GPR158: variants seen among roughly 807,000 people sequenced by gnomAD.
GPR158 encodes the protein G protein-coupled receptor 158.
In GPR158, 30 loss-of-function variants were observed where a neutral mutation model predicts 78.2. The observed-to-expected ratio is 0.38, with a 90% CI of 0.29 to 0.52. The LOEUF (loss-of-function observed/expected upper bound fraction) is 0.52. Among genes scored for constraint, GPR158 ranks in the 20% least tolerant of loss-of-function variants. GPR158 has a pLI of 0.83. For synonymous variants in GPR158, 581 were observed against 591.1 expected (o/e 0.98, Z 0.25); for missense variants, 1,463 against 1,523.5 (o/e 0.96, Z 0.66).
At chr10:25,564,159 A>G (rs529438305) in intron 6 of GPR158, among the ~76,000 whole-genome samples, 148 of 152,314 alleles carry the variant, frequency 9.7e-4, no homozygotes, top group African/African-American at 3.3e-3. Context: ...GGACCAAAAA[A>G]TACTTTTTAA....
chr10:25,380,854 A>C (rs996429365), intron 2 of GPR158, among the ~76,000 whole-genome samples: 1 of 152,208 alleles, frequency 6.6e-6, no homozygotes, highest in African/African-American at 2.4e-5. Flanking sequence ...GACAATAGGG[A>C]TGAGAAAGGC....
chr10:25,338,963 C>T (rs976512254), intron 2 of GPR158, among the ~76,000 whole-genome samples: 1 of 151,356 alleles, frequency 6.6e-6, no homozygotes, highest in African/African-American at 2.4e-5. Context: ...AAAGGTCCTA[C>T]ACATATTTTA....
chr10:25,186,564 A>G (rs1175339525), intron 1 of GPR158, among the ~76,000 whole-genome samples: 1 of 152,214 alleles, frequency 6.6e-6, no homozygotes, highest in Non-Finnish European at 1.5e-5. Context: ...TCACAGAAAT[A>G]CGAACTACCA....
intron 2 of GPR158, among the ~76,000 whole-genome samples, chr10:25,320,377 A>T (rs760268213): frequency 2.6e-5 from 4 of 152,206 alleles, no homozygotes; most frequent in African/African-American, 9.7e-5. Flanking sequence ...AGGCACATAC[A>T]GTCTGTGATC....
intron 2 of GPR158, among the ~76,000 whole-genome samples, chr10:25,341,255 G>T (rs531086332): frequency 9.2e-5 from 14 of 152,130 alleles, no homozygotes; most frequent in African/African-American, 3.4e-4. Context: ...AGGAAAGAAT[G>T]AAGGGGAATA....
At chr10:25,436,982 AAAAG>A (rs879878200) in intron 4 of GPR158, among the ~76,000 whole-genome samples, 16 of 152,176 alleles carry the variant, frequency 1.1e-4, no homozygotes, top group Non-Finnish European at 1.5e-4. Flanking sequence ...CACAGAGACA[AAAAG>A]AGAGAGAGGG....
intron 5 of GPR158, among the ~76,000 whole-genome samples, chr10:25,525,184 T>C (rs1836330850): frequency 6.6e-6 from 1 of 152,180 alleles, no homozygotes; most frequent in Non-Finnish European, 1.5e-5. Context: ...CTGGTAGGAA[T>C]GTAAAATGGT....
At chr10:25,338,555 A>T (rs1261706700) in intron 2 of GPR158, among the ~76,000 whole-genome samples, 14 of 129,604 alleles carry the variant, frequency 1.1e-4, no homozygotes, top group Admixed American at 4.6e-4. Context: ...GTAATATATA[A>T]TACGTATTGT....
At chr10:25,458,410 G>T (rs1391536007) in intron 4 of GPR158, among the ~76,000 whole-genome samples, 3 of 152,052 alleles carry the variant, frequency 2.0e-5, no homozygotes. Flanking sequence ...TTGTTACTTT[G>T]GGTAAGAAAA....
In GPR158 at chr10:25,317,716, G is replaced by GTTTTGTT. The variant is rs1554793351; in HGVS notation, c.1009-78191_1009-78190insGTTTTTT. On this transcript the variant is annotated intron_variant, in intron 2 of 10. Transcript: ENST00000376351. ...TTAAATTCTGTTTTCTTCGTAAAGT[G>GTTTTGTT]TTTTTTTTTGTTTTGTTTTGTTTTG... Among the ~76,000 whole-genome samples the GTTTTGTT allele has an allele frequency of 2.7e-3, 357 of 133,964 alleles. 25 individuals carry two copies. Among genetic ancestry groups the GTTTTGTT allele is most frequent in the African/African-American group, 0.01 (325 of 31,138 alleles). The allele number at this position is 133,964 out of a possible 152,430, so 87.9% of individuals were successfully genotyped here. A position where few individuals can be genotyped will look rare whatever the true frequency, so the allele number is the denominator to read the frequency against.
intron 2 of GPR158, among the ~76,000 whole-genome samples, chr10:25,235,269 A>G (rs184049605): frequency 1.3e-5 from 2 of 152,292 alleles, no homozygotes; most frequent in Admixed American, 1.3e-4. Flanking sequence ...CACTTGTGAT[A>G]TAAATTTTAC....
intron 6 of GPR158, among the ~76,000 whole-genome samples, chr10:25,561,069 G>A (rs7915074): frequency 0.3 from 45,284 of 151,956 alleles, 12,406 homozygotes; most frequent in African/African-American, 0.71. Context: ...TGTCATTTTA[G>A]GTATTTTCTA....
At chr10:25,331,603 A>T (rs2807246) in intron 2 of GPR158, among the ~76,000 whole-genome samples, 2,590 of 152,318 alleles carry the variant, frequency 0.017, 30 homozygotes, top group South Asian at 0.048. Context: ...TGTGTAAGGA[A>T]TAACTTAACC....
At chr10:25,491,651 A>G (rs762967506) in intron 5 of GPR158, among the ~76,000 whole-genome samples, 26 of 152,224 alleles carry the variant, frequency 1.7e-4, no homozygotes, top group Non-Finnish European at 2.4e-4. Context: ...TGTATTATAA[A>G]AATACTTATT....
At chr10:25,248,426 T>C (rs1189835560) in intron 2 of GPR158, among the ~76,000 whole-genome samples, 1 of 152,098 alleles carries the variant, frequency 6.6e-6, no homozygotes, top group Non-Finnish European at 1.5e-5. Flanking sequence ...TAGGTTTTCT[T>C]CTAGGGTTTT....
chr10:25,448,875 A>G (rs1422622455), intron 4 of GPR158, among the ~76,000 whole-genome samples: 1 of 152,182 alleles, frequency 6.6e-6, no homozygotes, highest in East Asian at 1.9e-4. Context: ...CTATATTGTA[A>G]GGCAATACAA....
chr10:25,361,046 C>A (rs1855631715), intron 2 of GPR158, among the ~76,000 whole-genome samples: 1 of 151,860 alleles, frequency 6.6e-6, no homozygotes, highest in Non-Finnish European at 1.5e-5. Context: ...TTTCATCTTG[C>A]AGATTTGAAA....
At chr10:25,362,418 T>G (rs1855653742) in intron 2 of GPR158, among the ~76,000 whole-genome samples, 1 of 151,928 alleles carries the variant, frequency 6.6e-6, no homozygotes, top group Admixed American at 6.6e-5. Context: ...TTCTTCAATA[T>G]TTTCTTGGCT....
chr10:25,203,224 G>A (rs1852961899), intron 1 of GPR158, among the ~76,000 whole-genome samples: 1 of 152,166 alleles, frequency 6.6e-6, no homozygotes, highest in African/African-American at 2.4e-5. Flanking sequence ...TCTGATGGTA[G>A]TTTCTTTTGC....
Sources: gnomAD v4.1 joint callset for allele counts (sites outside exome capture counted in the v4.1 genomes callset) on GRCh38, gnomAD v4.1.1 for gene constraint, MANE v1.5 for transcripts, NCBI Gene and HGNC (gene_info 2026-07-23, HGNC 2026-07-21) for gene names.